PCDHA1: variants seen among roughly 807,000 people sequenced by gnomAD.
PCDHA1 encodes the protein protocadherin alpha 1, also known as protocadherin alpha-1.
In PCDHA1, 42 loss-of-function variants were observed where a neutral mutation model predicts 61.3. The observed-to-expected ratio is 0.69, with a 90% CI of 0.54 to 0.89. The LOEUF is 0.89. Ranked by LOEUF, PCDHA1 falls within the 40% of genes least tolerant of loss-of-function variation. PCDHA1 has a pLI of 0.00. For synonymous variants in PCDHA1, 610 were observed against 553.8 expected (o/e 1.10, Z -1.43); for missense variants, 1,256 against 1,235.3 (o/e 1.02, Z -0.25).
At chr5:140,885,424 A>G (rs1311599501) in intron 1 of PCDHA1, among the ~76,000 whole-genome samples, 4 of 152,148 alleles carry the variant, frequency 2.6e-5, no homozygotes, top group African/African-American at 7.2e-5. Context: ...AGTATTCCAC[A>G]GTGTAAGTGT....
intron 1 of PCDHA1, chr5:140,841,445 G>T: frequency 6.2e-7 from 1 of 1,612,934 alleles, no homozygotes; most frequent in South Asian, 1.1e-5. Context: ...GGCCAAACAC[G>T]GCACCTTCGT....
chr5:140,909,801 T>C (rs1462008196), intron 1 of PCDHA1, among the ~76,000 whole-genome samples: 1 of 152,134 alleles, frequency 6.6e-6, no homozygotes, highest in African/African-American at 2.4e-5. Context: ...AGACTTCAGC[T>C]AAAACTCCAT....
chr5:140,796,304 A>C lies in PCDHA1; in HGVS notation c.2394+7620A>C, dbSNP rs782317844. The C allele has an allele frequency of 5.6e-6, 9 of 1,614,108 alleles. 1 individual carries two copies. The South Asian group carries it at 8.8e-5, about 16-fold the overall frequency. The stretch of plus-strand genomic sequence containing the variant: ...ACCAGCGTGTCCATCGAGGTGGCCG[A>C]CGTGAACGACAACGCGCCGGCGTTC... On this transcript the variant is annotated intron_variant, in intron 1 of 3. Coordinates refer to ENST00000504120, the MANE Select transcript of PCDHA1 (RefSeq NM_018900.4).
chr5:140,883,859 T>C (rs1554180306), intron 1 of PCDHA1: 12 of 1,613,116 alleles, frequency 7.4e-6, no homozygotes, highest in East Asian at 2.2e-5. Context: ...GCTGGAGCTG[T>C]TGCAGTTCCA....
chr5:140,973,631 A>G (rs1554235456), intron 1 of PCDHA1, among the ~76,000 whole-genome samples: 1 of 152,210 alleles, frequency 6.6e-6, no homozygotes, highest in African/African-American at 2.4e-5. Flanking sequence ...TGTATCTTGT[A>G]CACATTCTGA....
chr5:140,883,151 A>G (rs1317370821), intron 1 of PCDHA1: 1 of 1,613,978 alleles, frequency 6.2e-7, no homozygotes, highest in Non-Finnish European at 8.5e-7. Flanking sequence ...TGCATTTACC[A>G]TAAATCCGAA....
intron 1 of PCDHA1, among the ~76,000 whole-genome samples, chr5:140,969,836 T>C (rs1349045341): frequency 6.6e-6 from 1 of 152,224 alleles, no homozygotes; most frequent in Non-Finnish European, 1.5e-5. Flanking sequence ...ACAGTGGAAA[T>C]TATCTAGTTA....
At position 140,788,145 on chromosome 5, in the gene PCDHA1, C is replaced by T. The variant is rs140874802; in HGVS notation, c.1855C>T (p.Arg619Cys). Residue 619 changes from arginine (R) to cysteine (C), a missense_variant, in exon 1 of 4, where the codon CGC becomes TGC. Physicochemically the swap from Arg to Cys is radical, Grantham distance 180 (BLOSUM62 -3). Transcript: ENST00000504120. Reference sequence around the variant, plus strand: ...ACTGCAGCCGGCAGCAGGCGGCGCGCGCATCCCGTTCCGCGTGGGGCTGTA... The same window carrying T: ...ACTGCAGCCGGCAGCAGGCGGCGCGTGCATCCCGTTCCGCGTGGGGCTGTA... ...YELQPAAGGARIPFRVGLYTG... is the reference protein window; with the variant it reads ...YELQPAAGGACIPFRVGLYTG... 5.5e-5 allele frequency: 88 copies of T among 1,613,850 alleles called. No homozygotes were observed. Among genetic ancestry groups the T allele is most frequent in the Non-Finnish European group, 6.8e-5 (80 of 1,179,920 alleles).
At chr5:140,821,108 T>G (rs1766899044) in intron 1 of PCDHA1, among the ~76,000 whole-genome samples, 1 of 152,118 alleles carries the variant, frequency 6.6e-6, no homozygotes, top group Non-Finnish European at 1.5e-5. Context: ...ATGTCACTAT[T>G]AAACAGTGAA....
rs530025575 is a variant in PCDHA1 at position 140,922,023 on chromosome 5, TA to T, written c.2395-56920del. On this transcript the variant is annotated intron_variant, in intron 1 of 3. Coordinates refer to ENST00000504120, the MANE Select transcript of PCDHA1 (RefSeq NM_018900.4). ...AATGATTAGTTTAAAAAAATAAATA[TA>T]AAAAATGTAATTTTCCCACATACCT... Among the ~76,000 whole-genome samples, 1,214 of 152,080 alleles carry T rather than the reference TA, an allele frequency of 8.0e-3. 6 individuals carry two copies. The highest frequency in any genetic ancestry group is 0.019 in the African/African-American group (784 of 41,506).
At chr5:140,828,188 T>A (rs2150152126) in intron 1 of PCDHA1, 3 of 1,614,140 alleles carry the variant, frequency 1.9e-6, no homozygotes, top group Non-Finnish European at 2.5e-6. Flanking sequence ...CCAGCTCCAC[T>A]ACTCCGTACC....
chr5:140,836,540 G>T (rs2150263388), intron 1 of PCDHA1: 1 of 1,613,776 alleles, frequency 6.2e-7, no homozygotes, highest in East Asian at 2.2e-5. Context: ...TGCTGTACAC[G>T]GCGTTGCGGT....
Position 140,853,581 on chromosome 5 carries a change from C to T in PCDHA1, c.2394+64897C>T, listed in dbSNP as rs765816845. ...GAAAAACTAAGTTGTCACCCAATAT[C>T]TTAGACACTTTGAGAGCAAAGGGGG... On this transcript the variant is annotated intron_variant, in intron 1 of 3. Transcript: ENST00000504120. 6.1e-4 allele frequency: 602 copies of T among 984,310 alleles called. 55 individuals are homozygous for T. Among genetic ancestry groups the T allele is most frequent in the Non-Finnish European group, 6.9e-4 (563 of 816,746 alleles). 61.0% of individuals were successfully genotyped at this position (984,310 alleles called of 1,614,324 possible).
Position 140,883,553 on chromosome 5 carries a change from G to A in PCDHA1, c.2394+94869G>A, listed in dbSNP as rs782158028. The A allele has an allele frequency of 4.3e-6, 7 of 1,614,122 alleles. No individual in the cohort carries two copies. In the South Asian group the frequency reaches 7.7e-5, roughly 18 times the overall value. On this transcript the variant is annotated intron_variant, in intron 1 of 3. Transcript: ENST00000504120. The stretch of plus-strand genomic sequence containing the variant: ...CTATGAACTGGTGGTGACCGCGCGG[G>A]ACGGGGGCTCGCCTTCGCTGTGGGC...
chr5:140,879,027 G>C (rs2057822967), intron 1 of PCDHA1, among the ~76,000 whole-genome samples: 1 of 152,184 alleles, frequency 6.6e-6, no homozygotes, highest in African/African-American at 2.4e-5. Context: ...TTTTATTGAA[G>C]AGTGTCTTGA....
At chr5:140,968,982 C>G in intron 1 of PCDHA1, 1 of 1,614,226 alleles carries the variant, frequency 6.2e-7, no homozygotes, top group Non-Finnish European at 8.5e-7. Flanking sequence ...GCGTATGGCA[C>G]TGCATGCTGT....
chr5:140,806,317 CACATT>C (rs1554123581), intron 1 of PCDHA1, among the ~76,000 whole-genome samples: 1 of 152,112 alleles, frequency 6.6e-6, no homozygotes, highest in African/African-American at 2.4e-5. Flanking sequence ...GAAGCTTAGG[CACATT>C]ACATACTGGA....
At chr5:140,854,117 G>A (rs1311675249) in intron 1 of PCDHA1, 2 of 316,896 alleles carry the variant, frequency 6.3e-6, no homozygotes, top group African/African-American at 5.1e-5. Flanking sequence ...AACTGTGATG[G>A]CACAACTGCA....
rs2150131813 is a variant in PCDHA1, at chr5:140,824,059, G to T, written c.2394+35375G>T. Reference sequence around the variant, plus strand: ...GAGACAGAGGGTGTGCTCTGGGGAAGCTCCACCCAAAACAGACCTCATGGC... The same window carrying T: ...GAGACAGAGGGTGTGCTCTGGGGAATCTCCACCCAAAACAGACCTCATGGC... On this transcript the variant is annotated intron_variant, in intron 1 of 3. Coordinates refer to ENST00000504120, the MANE Select transcript of PCDHA1 (RefSeq NM_018900.4). 51 of 1,614,148 alleles carry T rather than the reference G, an allele frequency of 3.2e-5. 1 individual carries two copies. The Middle Eastern group carries it at 1.3e-3, about 42-fold the overall frequency.
Sources: allele counts gnomAD v4.1 joint callset (sites outside exome capture counted in the v4.1 genomes callset), GRCh38; gene constraint gnomAD v4.1.1; transcripts MANE v1.5; gene names NCBI Gene and HGNC (gene_info 2026-07-23, HGNC 2026-07-21).